OTUD7A: variants seen among roughly 807,000 people sequenced by gnomAD.
The protein encoded by OTUD7A is OTU deubiquitinase 7A.
Under a neutral mutation model 65.7 loss-of-function variants are expected in OTUD7A, and 12 were observed. The ratio of observed to expected loss-of-function variants is 0.18; its 90% CI spans 0.12 to 0.30. OTUD7A has a LOEUF of 0.30. Among genes scored for constraint, OTUD7A ranks in the 10% least tolerant of loss-of-function variants. The pLI, the probability that OTUD7A is intolerant of heterozygous loss-of-function variation, is 1.00. For missense variants in OTUD7A, 1,148 were observed against 1,304.8 expected (o/e 0.88, Z 1.85); for synonymous variants, 641 against 586.3 (o/e 1.09, Z -1.35).
At chr15:31,838,862 C>A (rs1158349662) in intron 1 of OTUD7A, among the ~76,000 whole-genome samples, 2 of 152,220 alleles carry the variant, frequency 1.3e-5, no homozygotes. Context: ...TGATCTTGAA[C>A]CCCACCTCCT....
At chr15:31,524,907 A>G (rs1287172837) in intron 8 of OTUD7A, among the ~76,000 whole-genome samples, 1 of 152,192 alleles carries the variant, frequency 6.6e-6, no homozygotes, top group African/African-American at 2.4e-5. Context: ...GGCCCCAGGG[A>G]GCAGGCAGCA....
At chr15:31,509,774 ATT>A (rs11296487) in intron 8 of OTUD7A, among the ~76,000 whole-genome samples, 3 of 151,500 alleles carry the variant, frequency 2.0e-5, no homozygotes, top group African/African-American at 2.4e-5. Context: ...TTTTGCATAA[ATT>A]TTTTTTATAA....
At chr15:31,694,496 T>G (rs1226071680) in intron 1 of OTUD7A, among the ~76,000 whole-genome samples, 4 of 152,172 alleles carry the variant, frequency 2.6e-5, no homozygotes, top group Non-Finnish European at 5.9e-5. Flanking sequence ...TCTCAGCAAG[T>G]TTCAAGAATT....
At chr15:31,542,449 C>T (rs1595596995) in intron 5 of OTUD7A, among the ~76,000 whole-genome samples, 1 of 151,822 alleles carries the variant, frequency 6.6e-6, no homozygotes, top group Non-Finnish European at 1.5e-5. Context: ...AAAGTTAATA[C>T]ATTTGAAGAT....
At chr15:31,613,135 A>C (rs1890480890) in intron 3 of OTUD7A, among the ~76,000 whole-genome samples, 1 of 152,226 alleles carries the variant, frequency 6.6e-6, no homozygotes, top group South Asian at 2.1e-4. Flanking sequence ...ACCTTTTACA[A>C]AAATCAACTC....
chr15:31,730,748 A>C (rs569843399), intron 1 of OTUD7A, among the ~76,000 whole-genome samples: 1 of 152,260 alleles, frequency 6.6e-6, no homozygotes, highest in East Asian at 1.9e-4. Flanking sequence ...TCTTGTTCTC[A>C]TCTCCAACAT....
rs1056373820 is a variant in OTUD7A at position 31,480,271 on chromosome 15, A to G, written c.*3023T>C. 1 of 152,234 alleles carries G rather than the reference A, an allele frequency of 6.6e-6. No individual in the cohort carries two copies. The allele number at this position is 152,234 out of a possible 1,614,324, so 9.4% of individuals were successfully genotyped here. ...ACACTGAAAAACACCTTCCCTTAAC[A>G]ATATTTTAAAAAAATCATTTACCCA... On this transcript the variant is annotated 3_prime_UTR_variant, in exon 13 of 13. Transcript: ENST00000307050.
chr15:31,604,018 T>C (rs1421906740), intron 3 of OTUD7A, among the ~76,000 whole-genome samples: 3 of 152,194 alleles, frequency 2.0e-5, no homozygotes, highest in African/African-American at 4.8e-5. Context: ...AGTTCAACCA[T>C]TGTGGAAGAC....
At chr15:31,845,064 T>C (rs987694118) in intron 1 of OTUD7A, among the ~76,000 whole-genome samples, 5 of 152,224 alleles carry the variant, frequency 3.3e-5, no homozygotes, top group Non-Finnish European at 7.3e-5. Context: ...GCACCCTCCA[T>C]GGTGGGCTCC....
rs1452543368 is a variant in OTUD7A, at chr15:31,484,271, C to A, written c.1825G>T (p.Glu609Ter). ...TDKAAGASPA[E>*]KGGGPRGDAW... The stretch of plus-strand genomic sequence containing the variant: ...TCGCCCCGCGGCCCACCGCCCTTCT[C>A]CGCCGGCGACGCGCCCGCTGCCTTG... Residue 609 changes from glutamate to a stop codon, truncating the protein, a stop_gained, in exon 13 of 13, where the codon GAG becomes TAG. Coordinates refer to ENST00000307050, the MANE Select transcript of OTUD7A (RefSeq NM_001382637.1). LOFTEE classifies it low-confidence loss of function (END_TRUNC). This position sits in a 1 kb window ranked among gnomAD's most constrained non-coding sequence, Gnocchi z 4.5. 1 of 1,593,528 alleles carries A rather than the reference C, an allele frequency of 6.3e-7. No homozygotes were observed. Among genetic ancestry groups the A allele is most frequent in the Non-Finnish European group, 8.5e-7 (1 of 1,173,692 alleles).
intron 3 of OTUD7A, among the ~76,000 whole-genome samples, chr15:31,599,328 C>T (rs1331014988): frequency 6.6e-6 from 1 of 152,224 alleles, no homozygotes; most frequent in Non-Finnish European, 1.5e-5. Context: ...GCAATCTTTG[C>T]TATTCTGCAG....
chr15:31,782,246 G>A (rs1022991719), intron 1 of OTUD7A, among the ~76,000 whole-genome samples: 6 of 152,238 alleles, frequency 3.9e-5, no homozygotes, highest in Non-Finnish European at 8.8e-5. Context: ...CAAGAGTAAT[G>A]TGAGACAGCC....
intron 8 of OTUD7A, among the ~76,000 whole-genome samples, chr15:31,507,531 C>T (rs879798413): frequency 1.3e-5 from 2 of 152,044 alleles, no homozygotes; most frequent in Non-Finnish European, 2.9e-5. Flanking sequence ...AAGTGTGGCA[C>T]GGACCCAAAG....
chr15:31,713,031 A>T (rs2654053), intron 1 of OTUD7A, among the ~76,000 whole-genome samples: 73 of 151,544 alleles, frequency 4.8e-4, no homozygotes, highest in East Asian at 1.7e-3. Flanking sequence ...AAACTTCAAT[A>T]CTGACATTCT....
At chr15:31,862,850 C>T (rs1474493611) in intron 1 of OTUD7A, among the ~76,000 whole-genome samples, 1 of 152,168 alleles carries the variant, frequency 6.6e-6, no homozygotes, top group Non-Finnish European at 1.5e-5. Flanking sequence ...TCAGAATTAA[C>T]TTAAAAGTCC....
chr15:31,808,136 C>CACACACACACACACACACACAA lies in OTUD7A; in HGVS notation c.-100+62370_-100+62371insTTGTGTGTGTGTGTGTGTGTGT, dbSNP rs772574742. Among the ~76,000 whole-genome samples, 4 of 119,418 alleles carry CACACACACACACACACACACAA rather than the reference C, an allele frequency of 3.3e-5. No individual in the cohort carries two copies. The East Asian group carries it at 7.1e-4, about 21-fold the overall frequency. The allele number at this position is 119,418 out of a possible 152,430, so 78.3% of individuals were successfully genotyped here. A position where few individuals can be genotyped will look rare whatever the true frequency, so the allele number is the denominator to read the frequency against. ...ACACACACACACACACACACACACA[C>CACACACACACACACACACACAA]AAACAAATCCTCACCAGGTTTTTCC... On this transcript the variant is annotated intron_variant, in intron 1 of 12. Transcript: ENST00000307050.
intron 1 of OTUD7A, among the ~76,000 whole-genome samples, chr15:31,862,993 G>GAAATTGGCCA (rs1555425490): frequency 6.6e-6 from 1 of 152,188 alleles, no homozygotes; most frequent in Non-Finnish European, 1.5e-5. Flanking sequence ...CCAAATGGGA[G>GAAATTGGCCA]AAATTGGCCA....
At chr15:31,542,589 T>C (rs188562300) in intron 5 of OTUD7A, among the ~76,000 whole-genome samples, 3 of 152,124 alleles carry the variant, frequency 2.0e-5, no homozygotes, top group African/African-American at 7.2e-5. Flanking sequence ...TATTGAATAC[T>C]GACTGAGGAT....
Position 31,483,706 on chromosome 15 carries a change from GC to G in OTUD7A, c.2389del (p.Ala797ArgfsTer190). 8.7e-7 allele frequency: 1 copy of G among 1,146,812 alleles called. No homozygotes were observed. The highest frequency in any genetic ancestry group is 1.1e-6 in the Non-Finnish European group (1 of 935,034). 71.0% of individuals were successfully genotyped at this position (1,146,812 alleles called of 1,614,324 possible). A position where few individuals can be genotyped will look rare whatever the true frequency, so the allele number is the denominator to read the frequency against. Reference protein sequence around the residue: ...RDEACAPAVGALRPCATYPQQ... With the variant: ...RDEACAPAVGXLRPCATYPQQ... ...CGGGTACGTGGCGCACGGCCGCAGC[GC>G]CCCCACGGCCGGCGCGCACGCCTCG... On this transcript the variant is annotated frameshift_variant, in exon 13 of 13. Coordinates refer to ENST00000307050, the MANE Select transcript of OTUD7A (RefSeq NM_001382637.1). LOFTEE classifies it high-confidence loss of function.
Sources: allele counts gnomAD v4.1 joint callset (sites outside exome capture counted in the v4.1 genomes callset), GRCh38; gene constraint gnomAD v4.1.1; non-coding constraint Gnocchi (gnomAD v3.1); transcripts MANE v1.5; gene names NCBI Gene and HGNC (gene_info 2026-07-23, HGNC 2026-07-21).